The following PACSIN2 variants were observed in gnomAD, a reference collection of about 807,000 sequenced individuals.
PACSIN2 encodes protein kinase C and casein kinase substrate in neurons 2, also known as protein kinase C and casein kinase substrate in neurons protein 2.
PACSIN2 carries 25 observed loss-of-function variants against 63.8 expected under a neutral mutation model. That is an observed-to-expected ratio of 0.39 (90% CI 0.29 to 0.55). PACSIN2 has a LOEUF of 0.55. PACSIN2 is among the 20% of genes least tolerant of loss of function. PACSIN2 has a pLI of 0.62. For synonymous variants in PACSIN2, 255 were observed against 256.2 expected, an observed-to-expected ratio of 1.00 and a Z score of 0.05; for missense variants, 518 against 646.9, an observed-to-expected ratio of 0.80 and a Z score of 2.16.
At chr22:42,946,347 G>A (rs1033318814) in intron 1 of PACSIN2, among the ~76,000 whole-genome samples, 3 of 152,220 alleles carry the variant, frequency 2.0e-5, no homozygotes, top group Admixed American at 1.3e-4. Flanking sequence ...GGGGGCAGGA[G>A]TGGAAGCACT....
intron 1 of PACSIN2, among the ~76,000 whole-genome samples, chr22:42,970,966 G>A (rs1046214944): frequency 3.3e-5 from 5 of 152,158 alleles, no homozygotes; most frequent in Non-Finnish European, 7.3e-5. Context: ...CCTCTCCACA[G>A]CCCTCTCTGC....
intron 1 of PACSIN2, among the ~76,000 whole-genome samples, chr22:42,961,447 T>A (rs1287162036): frequency 5.0e-5 from 6 of 121,180 alleles, no homozygotes; most frequent in Admixed American, 1.8e-4. Flanking sequence ...AATGATCAAT[T>A]AAAAAAAAAA....
At position 42,904,493 on chromosome 22, in the gene PACSIN2, G is replaced by A. The variant is rs564442582; in HGVS notation, c.60+7528C>T. On this transcript the variant is annotated intron_variant, in intron 2 of 10. Coordinates refer to ENST00000263246, the MANE Select transcript of PACSIN2 (RefSeq NM_001184970.3). The stretch of plus-strand genomic sequence containing the variant: ...GCTGCCATGGCGAGATCACCTGCCC[G>A]GTCCCTAAGCTCGCTGAAGACCTGA... Among the ~76,000 whole-genome samples, 410 of 152,302 alleles carry A rather than the reference G, an allele frequency of 2.7e-3. 1 individual carries two copies. The highest frequency in any genetic ancestry group is 9.2e-3 in the African/African-American group (383 of 41,570).
chr22:42,961,963 T>A (rs1010669556), intron 1 of PACSIN2, among the ~76,000 whole-genome samples: 4 of 152,116 alleles, frequency 2.6e-5, no homozygotes, highest in African/African-American at 9.7e-5. Flanking sequence ...TATCCTGTGG[T>A]TGGCTTAGTT....
At chr22:42,888,108 C>T (rs894745494) in intron 5 of PACSIN2, among the ~76,000 whole-genome samples, 2 of 152,056 alleles carry the variant, frequency 1.3e-5, no homozygotes, top group East Asian at 3.9e-4. Context: ...CCATCTCACC[C>T]TCCTCACCTC....
At chr22:42,908,203 A>G (rs1288628457) in intron 2 of PACSIN2, among the ~76,000 whole-genome samples, 1 of 152,240 alleles carries the variant, frequency 6.6e-6, no homozygotes. Context: ...ACAGCTGTGC[A>G]GAAATCCCGC....
intron 1 of PACSIN2, among the ~76,000 whole-genome samples, chr22:42,992,106 T>C (rs1923086030): frequency 6.6e-6 from 1 of 152,242 alleles, no homozygotes; most frequent in Non-Finnish European, 1.5e-5. Context: ...TTTCAAATTA[T>C]GTAATTGATC....
chr22:42,878,395 C>T lies in PACSIN2; in HGVS notation c.1028+653G>A, dbSNP rs563868872. On this transcript the variant is annotated intron_variant, in intron 8 of 10. Transcript: ENST00000263246. ...GGGCTAAGCCTTCTTAGGAAGCCCC[C>T]GTATGAAATGACTATTACTGAGTGT... Among the ~76,000 whole-genome samples the T allele has an allele frequency of 9.2e-5, 14 of 152,278 alleles. No individual in the cohort carries two copies. In the South Asian group the frequency reaches 1.9e-3, roughly 20 times the overall value.
At chr22:42,912,293 C>T in intron 1 of PACSIN2, 136 bp from the exon 2 acceptor site, 1 of 518,620 alleles carries the variant, frequency 1.9e-6, no homozygotes, top group Non-Finnish European at 3.3e-6. Context: ...CTTTAGGTGG[C>T]AGAAAGCCAG....
At position 42,884,538 on chromosome 22, in the gene PACSIN2, G is replaced by A. The variant is rs1332552660; in HGVS notation, c.633C>T (p.Ser211=). The A allele has an allele frequency of 9.9e-6, 16 of 1,613,824 alleles. No homozygotes were observed. The highest frequency in any genetic ancestry group is 1.4e-5 in the Non-Finnish European group (16 of 1,179,924). ...VLKTKEKYEK[S]LKELDQGTPQ... ...GTGTGCCCTGGTCGAGTTCCTTCAG[G>A]GACTTCTCATACTTCTCTTTGGTCT... Residue 211 remains serine, a synonymous_variant, in exon 6 of 11, where the codon TCC becomes TCT. Coordinates refer to ENST00000263246, the MANE Select transcript of PACSIN2 (RefSeq NM_001184970.3).
intron 2 of PACSIN2, among the ~76,000 whole-genome samples, chr22:42,904,181 A>C (rs1930898413): frequency 6.6e-6 from 1 of 152,210 alleles, no homozygotes; most frequent in South Asian, 2.1e-4. Flanking sequence ...ACTCTTCCTC[A>C]AGGCCGTCGG....
intron 1 of PACSIN2, among the ~76,000 whole-genome samples, chr22:42,993,195 G>T (rs1009612476): frequency 6.6e-6 from 1 of 151,556 alleles, no homozygotes; most frequent in Non-Finnish European, 1.5e-5. Flanking sequence ...GGAAGAAGAA[G>T]AATACATAGA....
chr22:42,947,226 G>C (rs769479702), intron 1 of PACSIN2, among the ~76,000 whole-genome samples: 13 of 152,208 alleles, frequency 8.5e-5, no homozygotes, highest in Non-Finnish European at 1.6e-4. Flanking sequence ...AGGCGGCAGA[G>C]TGAGCAGGAA....
chr22:42,898,932 C>T (rs1033183236), intron 2 of PACSIN2, among the ~76,000 whole-genome samples: 3 of 152,172 alleles, frequency 2.0e-5, no homozygotes, highest in Non-Finnish European at 4.4e-5. Context: ...TTGTCACAGG[C>T]GTGCTGGGGG....
rs530123684 is a variant in PACSIN2 at position 42,986,139 on chromosome 22, C to G, written c.-78+28882G>C. ...TAACACAGAAACAGTAAGCATTAGG[C>G]AAGGGAAAAACAAGAAAAGGAAGAC... On this transcript the variant is annotated intron_variant, in intron 1 of 10. Coordinates refer to ENST00000263246, the MANE Select transcript of PACSIN2 (RefSeq NM_001184970.3). Among the ~76,000 whole-genome samples the G allele has an allele frequency of 1.4e-4, 21 of 152,122 alleles. No homozygotes were observed. In the South Asian group the frequency reaches 2.9e-3, roughly 21 times the overall value.
chr22:42,986,598 G>A (rs1255258622), intron 1 of PACSIN2, among the ~76,000 whole-genome samples: 1 of 152,040 alleles, frequency 6.6e-6, no homozygotes, highest in South Asian at 2.1e-4. Flanking sequence ...TCTAATGGGG[G>A]GTGAAGATAC....
chr22:43,000,892 G>C (rs1923724713), intron 1 of PACSIN2, among the ~76,000 whole-genome samples: 1 of 152,230 alleles, frequency 6.6e-6, no homozygotes, highest in South Asian at 2.1e-4. Context: ...CAGGTGGTCA[G>C]GAGTACCCCT....
intron 1 of PACSIN2, among the ~76,000 whole-genome samples, chr22:42,964,676 G>A (rs1023971551): frequency 1.3e-5 from 2 of 152,028 alleles, no homozygotes; most frequent in Admixed American, 6.6e-5. Flanking sequence ...CCTGAACTTT[G>A]CATGCCCCAA....
At chr22:42,879,250 C>T (rs562754732) in intron 7 of PACSIN2, 81 bp from the exon 8 acceptor site, 52 of 1,483,272 alleles carry the variant, frequency 3.5e-5, no homozygotes, top group African/African-American at 1.4e-4. Context: ...TCCTGCCCAG[C>T]GAGCCTGCAG....
Sources: gnomAD v4.1 joint callset for allele counts (sites outside exome capture counted in the v4.1 genomes callset) on GRCh38, gnomAD v4.1.1 for gene constraint, MANE v1.5 for transcripts, NCBI Gene and HGNC (gene_info 2026-07-23, HGNC 2026-07-21) for gene names.